The following MTR variants were observed in gnomAD, a reference collection of about 807,000 sequenced individuals.
MTR encodes the protein methionine synthase.
MTR carries 84 observed loss-of-function variants against 154.8 expected under a neutral mutation model. The ratio of observed to expected loss-of-function variants is 0.54; its 90% CI spans 0.45 to 0.65. MTR has a LOEUF of 0.65. Among genes scored for constraint, MTR ranks in the 30% least tolerant of loss-of-function variants. The pLI is 0.00. For synonymous variants in MTR, 554 were observed against 553.9 expected, an observed-to-expected ratio of 1.00 and a Z score of 0.00; for missense variants, 1,275 against 1,570.2, an observed-to-expected ratio of 0.81 and a Z score of 3.18.
At chr1:236,796,350 A>G (rs1384104759) in intron 1 of MTR, among the ~76,000 whole-genome samples, 2 of 152,218 alleles carry the variant, frequency 1.3e-5, no homozygotes, top group African/African-American at 2.4e-5. Context: ...CAACAGTGAG[A>G]AAAAGCTAGT....
In MTR at chr1:236,838,599, G is replaced by A. The variant is rs1663042396; in HGVS notation, c.1515G>A (p.Gln505=). 8 of 1,613,886 alleles carry A rather than the reference G, an allele frequency of 5.0e-6. No individual in the cohort carries two copies. Among genetic ancestry groups the A allele is most frequent in the African/African-American group, 1.3e-5 (1 of 74,918 alleles). Reference sequence around the variant, plus strand: ...TCATGGCTTTTGATGAAGAAGGACAGGTGAGTGGTTTCTTTTGGCCTAATC... The same window carrying A: ...TCATGGCTTTTGATGAAGAAGGACAAGTGAGTGGTTTCTTTTGGCCTAATC... ...MVVMAFDEEG[Q]ATETDTKIRV... is the part of the protein sequence containing the mutation. The change falls in exon 15 of 33, where the codon CAG becomes CAA. Residue 505 remains glutamine, a splice_region_variant and synonymous_variant. Transcript: ENST00000366577.
At chr1:236,844,700 G>A (rs1344239897) in intron 15 of MTR, among the ~76,000 whole-genome samples, 1 of 152,166 alleles carries the variant, frequency 6.6e-6, no homozygotes, top group Non-Finnish European at 1.5e-5. Flanking sequence ...AAAAGAGAAG[G>A]CAGAGTAAAG....
chr1:236,889,311 C>T lies in MTR; in HGVS notation c.2982C>T (p.Pro994=). The change falls in exon 28 of 33, where the codon CCC becomes CCT. Residue 994 remains proline, a synonymous_variant. Coordinates refer to ENST00000366577, the MANE Select transcript of MTR (RefSeq NM_000254.3). ...GCAAGTACCCGAATCGAGGCTTTCC[C>T]AAGATATTTAACGACAAAACAGTAG... ...LRGKYPNRGF[P]KIFNDKTVGG... is the part of the protein sequence containing the mutation. 1.2e-6 allele frequency: 2 copies of T among 1,614,174 alleles called. No homozygotes were observed. Among genetic ancestry groups the T allele is most frequent in the Non-Finnish European group, 1.7e-6 (2 of 1,180,042 alleles).
At chr1:236,824,052 ATATAACT>A (rs1662140699) in intron 8 of MTR, 60 bp from the exon 9 acceptor site, 8 of 1,304,450 alleles carry the variant, frequency 6.1e-6, no homozygotes, top group Non-Finnish European at 8.9e-6. Context: ...TTGTCTCCAT[ATATAACT>A]TATATGCATA....
chr1:236,862,957 G>T (rs77333012), intron 21 of MTR, among the ~76,000 whole-genome samples: 6,414 of 152,134 alleles, frequency 0.042, 410 homozygotes, highest in East Asian at 0.2. Context: ...TTCTTGTTTT[G>T]CTTTTTTTCT....
chr1:236,867,166 CAA>C (rs1664864463), intron 22 of MTR, among the ~76,000 whole-genome samples: 1 of 152,156 alleles, frequency 6.6e-6, no homozygotes, highest in South Asian at 2.1e-4. Flanking sequence ...TGCCTGGCTT[CAA>C]AACTTGAAAG....
intron 7 of MTR, among the ~76,000 whole-genome samples, chr1:236,816,211 C>T (rs540220805): frequency 2.0e-5 from 3 of 152,278 alleles, no homozygotes; most frequent in African/African-American, 7.2e-5. Flanking sequence ...TTGGTCATTG[C>T]TTTTGCTACA....
At chr1:236,880,715 G>A in intron 24 of MTR, 40 bp from the exon 25 acceptor site, 1 of 1,498,522 alleles carries the variant, frequency 6.7e-7, no homozygotes, top group South Asian at 1.1e-5. Context: ...GGAACTGTCA[G>A]TGCTGATGGA....
chr1:236,814,226 T>G (rs979082814), intron 6 of MTR, among the ~76,000 whole-genome samples: 2 of 152,208 alleles, frequency 1.3e-5, no homozygotes, highest in Admixed American at 1.3e-4. Context: ...TAGAAATTGT[T>G]TTGTGAATCT....
intron 20 of MTR, 76 bp from the exon 21 acceptor site, chr1:236,862,160 C>A: frequency 8.1e-7 from 1 of 1,231,490 alleles, no homozygotes; most frequent in Non-Finnish European, 1.2e-6. Flanking sequence ...TAATGTGTGC[C>A]CAAATTTCAC....
chr1:236,855,740 C>T (rs555334287), intron 18 of MTR, among the ~76,000 whole-genome samples: 1 of 152,320 alleles, frequency 6.6e-6, no homozygotes. Context: ...CGTACAGATA[C>T]AAGGAGTAGC....
intron 14 of MTR, among the ~76,000 whole-genome samples, chr1:236,837,595 C>A (rs776329842): frequency 6.6e-6 from 1 of 152,160 alleles, no homozygotes; most frequent in Non-Finnish European, 1.5e-5. Context: ...TATTGAATGG[C>A]TTAATTGAAT....
intron 3 of MTR, among the ~76,000 whole-genome samples, chr1:236,806,981 A>T (rs1256787102): frequency 6.6e-6 from 1 of 152,136 alleles, no homozygotes; most frequent in Non-Finnish European, 1.5e-5. Flanking sequence ...TTGCTTATTC[A>T]TCTGTTGATC....
intron 22 of MTR, among the ~76,000 whole-genome samples, chr1:236,870,330 A>T (rs958737723): frequency 6.6e-6 from 1 of 152,136 alleles, no homozygotes; most frequent in Non-Finnish European, 1.5e-5. Context: ...TGTGGTTATG[A>T]TTCTCTCCTG....
chr1:236,860,602 C>T (rs1201127232), intron 19 of MTR, among the ~76,000 whole-genome samples: 1 of 152,032 alleles, frequency 6.6e-6, no homozygotes, highest in African/African-American at 2.4e-5. Context: ...GGGCCTCATC[C>T]AGTGTCATTT....
chr1:236,825,875 T>C (rs535586167), intron 10 of MTR, among the ~76,000 whole-genome samples: 1 of 152,352 alleles, frequency 6.6e-6, no homozygotes, highest in Non-Finnish European at 1.5e-5. Context: ...CCTGGGTCTC[T>C]TTCCCCTTAT....
chr1:236,870,572 A>T (rs1287097367), intron 22 of MTR, among the ~76,000 whole-genome samples: 1 of 152,186 alleles, frequency 6.6e-6, no homozygotes. Context: ...GTACAGGAGC[A>T]CACCTGGAGT....
chr1:236,858,679 GGGT>G (rs1457321655), intron 18 of MTR, among the ~76,000 whole-genome samples: 1 of 152,178 alleles, frequency 6.6e-6, no homozygotes, highest in African/African-American at 2.4e-5. Context: ...AATGGAAGCA[GGGT>G]GGAGAGAAAA....
chr1:236,880,928 A>G (rs532718260), intron 25 of MTR, 92 bp downstream of exon 25: 5 of 1,273,422 alleles, frequency 3.9e-6, no homozygotes, highest in East Asian at 2.4e-5. Context: ...ATTTTTATTC[A>G]GTTCTACTAA....
Sources: gnomAD v4.1 joint callset for allele counts (sites outside exome capture counted in the v4.1 genomes callset) on GRCh38, gnomAD v4.1.1 for gene constraint, MANE v1.5 for transcripts, NCBI Gene and HGNC (gene_info 2026-07-23, HGNC 2026-07-21) for gene names.